Variants in TMEM132D observed in about 807,000 individuals in gnomAD.
TMEM132D encodes the protein transmembrane protein 132D.
In TMEM132D, 21 loss-of-function variants were observed where a neutral mutation model predicts 62.3. That is an observed-to-expected ratio of 0.34 (90% confidence interval 0.24 to 0.49). The LOEUF (loss-of-function observed/expected upper bound fraction) is 0.49. TMEM132D is among the 20% of genes least tolerant of loss of function. The pLI, the probability that TMEM132D is intolerant of heterozygous loss-of-function variation, is 0.99. For missense variants in TMEM132D, 1,346 were observed against 1,402.8 expected (o/e 0.96, Z 0.65); for synonymous variants, 621 against 575.6 (o/e 1.08, Z -1.13).
chr12:129,263,153 T>C (rs1386842718), intron 4 of TMEM132D, among the ~76,000 whole-genome samples: 1 of 152,142 alleles, frequency 6.6e-6, no homozygotes. Context: ...TCTCTCTGGG[T>C]CAGAGCATCC....
At chr12:129,381,542 G>T (rs1870950975) in intron 3 of TMEM132D, among the ~76,000 whole-genome samples, 2 of 152,092 alleles carry the variant, frequency 1.3e-5, no homozygotes, top group Admixed American at 1.3e-4. Flanking sequence ...TTCCCATTTT[G>T]CATGAAATGT....
Position 129,519,165 on chromosome 12 carries a change from A to G in TMEM132D, c.1115+11894T>C, listed in dbSNP as rs11060386. Among the ~76,000 whole-genome samples the G allele has an allele frequency of 7.9e-3, 1,203 of 152,302 alleles. 31 individuals are homozygous for G. In the East Asian group the frequency reaches 0.1, roughly 13 times the overall value. Reference sequence around the variant, plus strand: ...TCTGGTGTGGATGGAGTTAGAATTCAGGGCTCTATGAACTTGGCTGGGGAA... The same window carrying G: ...TCTGGTGTGGATGGAGTTAGAATTCGGGGCTCTATGAACTTGGCTGGGGAA... On this transcript the variant is annotated intron_variant, in intron 3 of 8. Transcript: ENST00000422113.
intron 4 of TMEM132D, among the ~76,000 whole-genome samples, chr12:129,307,877 A>G (rs377411183): frequency 2.0e-5 from 3 of 152,172 alleles, no homozygotes; most frequent in African/African-American, 7.2e-5. Context: ...AAAATGTATG[A>G]TTTTCTTATT....
intron 4 of TMEM132D, among the ~76,000 whole-genome samples, chr12:129,275,216 T>A (rs1378310160): frequency 6.6e-6 from 1 of 151,774 alleles, no homozygotes; most frequent in Non-Finnish European, 1.5e-5. Flanking sequence ...AGAGTTCAAT[T>A]GCTGTAGTGA....
intron 2 of TMEM132D, among the ~76,000 whole-genome samples, chr12:129,688,371 CT>C (rs1273107587): frequency 6.6e-6 from 1 of 152,128 alleles, no homozygotes; most frequent in Non-Finnish European, 1.5e-5. Flanking sequence ...ACTGCGAGAG[CT>C]TTTTAAAGAC....
intron 1 of TMEM132D, among the ~76,000 whole-genome samples, chr12:129,816,467 G>T (rs1057140148): frequency 6.6e-6 from 1 of 152,114 alleles, no homozygotes; most frequent in African/African-American, 2.4e-5. Context: ...ATTGCAAAAG[G>T]CCTGCACAAC....
At chr12:129,198,963 T>G (rs1268087039) in intron 5 of TMEM132D, among the ~76,000 whole-genome samples, 1 of 152,134 alleles carries the variant, frequency 6.6e-6, no homozygotes, top group African/African-American at 2.4e-5. Flanking sequence ...TGTGTTAAAC[T>G]ATAACTGATA....
At chr12:129,164,620 T>C (rs537179367) in intron 5 of TMEM132D, among the ~76,000 whole-genome samples, 81 of 152,236 alleles carry the variant, frequency 5.3e-4, no homozygotes, top group African/African-American at 1.9e-3. Context: ...CTTACAATCA[T>C]GGCGGAAGGT....
intron 4 of TMEM132D, among the ~76,000 whole-genome samples, chr12:129,211,380 T>C (rs1879042009): frequency 6.6e-6 from 1 of 152,220 alleles, no homozygotes; most frequent in Admixed American, 6.5e-5. Flanking sequence ...AATCGCTTTA[T>C]TTTCCTTCTA....
intron 3 of TMEM132D, among the ~76,000 whole-genome samples, chr12:129,513,345 T>C (rs1313647464): frequency 6.6e-6 from 1 of 152,150 alleles, no homozygotes; most frequent in Non-Finnish European, 1.5e-5. Context: ...ACTCAGCCAT[T>C]GATGAGGGAT....
chr12:129,235,630 T>C (rs1006990238), intron 4 of TMEM132D, among the ~76,000 whole-genome samples: 1 of 152,196 alleles, frequency 6.6e-6, no homozygotes, highest in African/African-American at 2.4e-5. Context: ...CGGCCTCATT[T>C]AGGATATTAT....
chr12:129,318,760 G>A (rs1868574136), intron 4 of TMEM132D, among the ~76,000 whole-genome samples: 1 of 152,164 alleles, frequency 6.6e-6, no homozygotes, highest in South Asian at 2.1e-4. Flanking sequence ...GCATGTCTGA[G>A]CTCAGACTCT....
intron 3 of TMEM132D, among the ~76,000 whole-genome samples, chr12:129,389,137 C>A (rs148057418): frequency 9.3e-6 from 1 of 107,966 alleles, no homozygotes; most frequent in African/African-American, 2.9e-5. Flanking sequence ...AACACCAACA[C>A]GAATCCTAAT....
chr12:129,762,560 G>A (rs149587625), intron 1 of TMEM132D, among the ~76,000 whole-genome samples: 5 of 151,988 alleles, frequency 3.3e-5, no homozygotes, highest in Non-Finnish European at 1.5e-5. Context: ...GGCAGCATTA[G>A]TGTTCTGCCT....
At chr12:129,367,172 G>T (rs965591187) in intron 3 of TMEM132D, among the ~76,000 whole-genome samples, 46 of 152,350 alleles carry the variant, frequency 3.0e-4, no homozygotes, top group African/African-American at 1.0e-3. Context: ...TGAAGCCTCA[G>T]TACAATTGAC....
At chr12:129,845,475 C>T (rs570508668) in intron 1 of TMEM132D, among the ~76,000 whole-genome samples, 30 of 152,296 alleles carry the variant, frequency 2.0e-4, no homozygotes, top group African/African-American at 6.0e-4. Flanking sequence ...GAAAGGGCCA[C>T]GCTTGCAATA....
intron 1 of TMEM132D, among the ~76,000 whole-genome samples, chr12:129,736,336 A>G (rs1043555821): frequency 6.6e-6 from 1 of 152,252 alleles, no homozygotes; most frequent in Non-Finnish European, 1.5e-5. Context: ...TACTGGCTAT[A>G]GAAATACAGC....
intron 3 of TMEM132D, among the ~76,000 whole-genome samples, chr12:129,496,018 C>A (rs187849730): frequency 2.6e-4 from 40 of 152,274 alleles, no homozygotes; most frequent in Non-Finnish European, 3.7e-4. Context: ...ACAAAGAGAA[C>A]CTCGCACCCT....
intron 4 of TMEM132D, among the ~76,000 whole-genome samples, chr12:129,234,007 G>C (rs775301869): frequency 1.3e-5 from 2 of 152,062 alleles, no homozygotes; most frequent in Non-Finnish European, 2.9e-5. Flanking sequence ...CTTTAATGAG[G>C]GTTGTAAAGA....
Sources: allele counts gnomAD v4.1 joint callset (sites outside exome capture counted in the v4.1 genomes callset), GRCh38; gene constraint gnomAD v4.1.1; transcripts MANE v1.5; gene names NCBI Gene and HGNC (gene_info 2026-07-23, HGNC 2026-07-21).